Variants in ABLIM1 observed in about 807,000 individuals in gnomAD.
The protein encoded by ABLIM1 is actin binding LIM protein 1.
A neutral mutation model predicts 107.0 loss-of-function variants in ABLIM1; 40 were observed. The ratio of observed to expected loss-of-function variants is 0.37; its 90% CI spans 0.29 to 0.49. The LOEUF (loss-of-function observed/expected upper bound fraction) is 0.49, where lower values mean the gene tolerates loss of function less well. ABLIM1 is among the 20% of genes least tolerant of loss of function. The pLI is 0.97. For missense variants in ABLIM1, 857 were observed against 1,008.5 expected, an observed-to-expected ratio of 0.85 and a Z score of 2.04; for synonymous variants, 357 against 357.3, an observed-to-expected ratio of 1.00 and a Z score of 0.01.
At chr10:114,557,684 T>TTG (rs1296051974) in intron 4 of ABLIM1, among the ~76,000 whole-genome samples, 3 of 150,134 alleles carry the variant, frequency 2.0e-5, no homozygotes, top group Non-Finnish European at 4.4e-5. Flanking sequence ...TTTTTTTTTT[T>TTG]TTTTTTTTTG....
chr10:114,634,561 TTGGAA>T (rs1383223060), intron 1 of ABLIM1, among the ~76,000 whole-genome samples: 1 of 152,180 alleles, frequency 6.6e-6, no homozygotes, highest in Non-Finnish European at 1.5e-5. Context: ...GAAACAGAAT[TTGGAA>T]AGGCTCTCTG....
At chr10:114,742,561 T>C (rs931508720) in intron 1 of ABLIM1, among the ~76,000 whole-genome samples, 1 of 152,082 alleles carries the variant, frequency 6.6e-6, no homozygotes, top group Non-Finnish European at 1.5e-5. Context: ...AGAAAACAAA[T>C]CTCTTCCTGA....
At chr10:114,789,645 T>C in the ABLIM1 span, among the ~76,000 whole-genome samples, 3 of 152,218 alleles carry the variant, frequency 2.0e-5, no homozygotes, top group Non-Finnish European at 4.4e-5. Flanking sequence ...TATCTCATTG[T>C]AGTTTTGATT....
At chr10:114,765,078 T>C (rs1410233434) in intron 1 of ABLIM1, 1 of 152,596 alleles carries the variant, frequency 6.6e-6, no homozygotes, top group Admixed American at 6.5e-5. Context: ...CTTTTCTTTT[T>C]TTTGGAGATG....
At chr10:114,777,837 T>A in the ABLIM1 span, 2 of 152,372 alleles carry the variant, frequency 1.3e-5, no homozygotes, top group African/African-American at 4.8e-5. Context: ...AGTACTCCCC[T>A]CTCTCTGCAA....
chr10:114,550,312 C>G (rs1397127456), intron 4 of ABLIM1, among the ~76,000 whole-genome samples: 1 of 151,470 alleles, frequency 6.6e-6, no homozygotes, highest in Non-Finnish European at 1.5e-5. Context: ...TGGAAGGCCA[C>G]GATATTAGTT....
intron 1 of ABLIM1, among the ~76,000 whole-genome samples, chr10:114,678,558 T>G (rs7091958): frequency 3.3e-5 from 5 of 152,190 alleles, no homozygotes; most frequent in African/African-American, 7.2e-5. Context: ...CATTTATTTA[T>G]GTATTGTCTA....
intron 1 of ABLIM1, among the ~76,000 whole-genome samples, chr10:114,699,083 T>TA (rs2081254917): frequency 9.4e-6 from 1 of 105,968 alleles, no homozygotes; most frequent in Non-Finnish European, 1.9e-5. Flanking sequence ...GTAATGCTAT[T>TA]AATAAATTCA....
intron 11 of ABLIM1, among the ~76,000 whole-genome samples, chr10:114,467,638 T>C (rs1041108043): frequency 2.6e-5 from 4 of 152,248 alleles, no homozygotes; most frequent in Non-Finnish European, 2.9e-5. Context: ...TAATAATTCA[T>C]AGCAGTCATA....
At chr10:114,660,622 T>A (rs988601496), upstream of ABLIM1, among the ~76,000 whole-genome samples, 1 of 152,208 alleles carries the variant, frequency 6.6e-6, no homozygotes, top group African/African-American at 2.4e-5. Context: ...GTAATAAACA[T>A]CGTAGTGTGG....
intron 1 of ABLIM1, among the ~76,000 whole-genome samples, chr10:114,652,064 T>C (rs939282292): frequency 2.6e-5 from 4 of 152,200 alleles, no homozygotes; most frequent in African/African-American, 9.6e-5. Flanking sequence ...GTATTTTTTA[T>C]GGCTAGCTCA....
At chr10:114,489,776 C>CA (rs532187208) in intron 7 of ABLIM1, among the ~76,000 whole-genome samples, 195 of 152,332 alleles carry the variant, frequency 1.3e-3, no homozygotes, top group African/African-American at 4.5e-3. Context: ...GACAGAACAT[C>CA]AGATGCTGAA....
chr10:114,433,656 T>C lies in ABLIM1; in HGVS notation c.*2604A>G, dbSNP rs1033960037. 3.3e-5 allele frequency: 5 copies of C among 152,206 alleles called. No individual in the cohort carries two copies. Among genetic ancestry groups the C allele is most frequent in the Non-Finnish European group, 7.3e-5 (5 of 68,042 alleles). The allele number at this position is 152,206 out of a possible 1,614,324, so 9.4% of individuals were successfully genotyped here. A position where few individuals can be genotyped will look rare whatever the true frequency, so the allele number is the denominator to read the frequency against. ...GCAGGGTTTCATTAGTGGGAGCTGA[T>C]TTAGGGTTCAGTTCTTTATCACTGC... On this transcript the variant is annotated 3_prime_UTR_variant, in exon 23 of 23. Transcript: ENST00000533213.
rs931708225 is a variant in ABLIM1, at chr10:114,542,191, C to T, written c.894+2814G>A. On this transcript the variant is annotated intron_variant, in intron 6 of 22. Coordinates refer to ENST00000533213, the MANE Select transcript of ABLIM1 (RefSeq NM_002313.7). ...TGGGAGGCTGAGGCAGGAGGATTGC[C>T]TGAGGCCAGGAGTTAGAGACCAGCC... 2.6e-4 allele frequency among the ~76,000 whole-genome samples: 40 copies of T among 152,066 alleles called. 1 individual carries two copies. Among genetic ancestry groups the T allele is most frequent in the Non-Finnish European group, 4.4e-5 (3 of 67,968 alleles).
chr10:114,672,797 T>G (rs1301052065), intron 1 of ABLIM1, among the ~76,000 whole-genome samples: 1 of 152,186 alleles, frequency 6.6e-6, no homozygotes, highest in Admixed American at 6.5e-5. Context: ...TAGTATAAGA[T>G]AGTGATCAAG....
intron 1 of ABLIM1, among the ~76,000 whole-genome samples, chr10:114,633,228 G>A (rs1454393329): frequency 6.6e-6 from 1 of 152,148 alleles, no homozygotes; most frequent in African/African-American, 2.4e-5. Flanking sequence ...CAGGGGAACC[G>A]AAAGGAATGA....
chr10:114,743,022 CT>C (rs1243105099), intron 1 of ABLIM1, among the ~76,000 whole-genome samples: 1 of 152,092 alleles, frequency 6.6e-6, no homozygotes, highest in African/African-American at 2.4e-5. Flanking sequence ...CACATTGTAT[CT>C]CAAAAAATGT....
At chr10:114,705,158 C>T (rs571111468) in intron 1 of ABLIM1, among the ~76,000 whole-genome samples, 1 of 152,202 alleles carries the variant, frequency 6.6e-6, no homozygotes, top group South Asian at 2.1e-4. Flanking sequence ...CTTAAACTAT[C>T]TTAGATATTA....
intron 6 of ABLIM1, among the ~76,000 whole-genome samples, chr10:114,527,332 ACTGT>A (rs2064923886): frequency 6.6e-6 from 1 of 152,260 alleles, no homozygotes; most frequent in Non-Finnish European, 1.5e-5. Context: ...ATTCTGCAGT[ACTGT>A]CTGAGACAAA....
Sources: gnomAD v4.1 joint callset for allele counts (sites outside exome capture counted in the v4.1 genomes callset) on GRCh38, gnomAD v4.1.1 for gene constraint, MANE v1.5 for transcripts, NCBI Gene and HGNC (gene_info 2026-07-23, HGNC 2026-07-21) for gene names.